NPHP4: variants seen among roughly 807,000 people sequenced by gnomAD.
NPHP4 encodes nephrocystin-4.
Under a neutral mutation model 155.8 loss-of-function variants are expected in NPHP4, and 151 were observed. The observed-to-expected ratio is 0.97, with a 90% CI of 0.85 to 1.11. The LOEUF (loss-of-function observed/expected upper bound fraction) is 1.11. Among genes scored for constraint, NPHP4 ranks in the 50% least tolerant of loss-of-function variants. NPHP4 has a pLI of 0.00. For missense variants in NPHP4, 1,956 were observed against 1,925.7 expected, an observed-to-expected ratio of 1.02 and a Z score of -0.29; for synonymous variants, 845 against 816.8, an observed-to-expected ratio of 1.03 and a Z score of -0.59.
intron 9 of NPHP4, among the ~76,000 whole-genome samples, chr1:5,936,323 C>A (rs1646535947): frequency 6.6e-6 from 1 of 152,234 alleles, no homozygotes; most frequent in South Asian, 2.1e-4. Context: ...CACTTGCTCA[C>A]TGCCAGCCCA....
At chr1:5,874,326 T>C (rs929036582) in intron 22 of NPHP4, 145 bp downstream of exon 22, 7 of 760,574 alleles carry the variant, frequency 9.2e-6, no homozygotes, top group Middle Eastern at 5.0e-4. Context: ...AGGGCTCTTG[T>C]TGAGCACCAA....
intron 6 of NPHP4, among the ~76,000 whole-genome samples, chr1:5,960,335 T>C (rs1650064542): frequency 1.3e-5 from 2 of 152,170 alleles, no homozygotes; most frequent in African/African-American, 4.8e-5. Context: ...AATGATGATG[T>C]CCACCATAGA....
Position 5,966,575 on chromosome 1 carries a change from G to A in NPHP4, c.517+724C>T, listed in dbSNP as rs986039155. Among the ~76,000 whole-genome samples, 6 of 152,146 alleles carry A rather than the reference G, an allele frequency of 3.9e-5. No individual in the cohort carries two copies. The South Asian group carries it at 1.2e-3, about 32-fold the overall frequency. Reference sequence around the variant, plus strand: ...TTTGACTTTTAACACAAGCCACGAGGCACACATGACATCCCCTTCGAGGAA... The same window carrying A: ...TTTGACTTTTAACACAAGCCACGAGACACACATGACATCCCCTTCGAGGAA... On this transcript the variant is annotated intron_variant, in intron 5 of 29. Coordinates refer to ENST00000378156, the MANE Select transcript of NPHP4 (RefSeq NM_015102.5).
intron 9 of NPHP4, among the ~76,000 whole-genome samples, chr1:5,942,295 G>C (rs1162456691): frequency 6.6e-6 from 1 of 152,114 alleles, no homozygotes; most frequent in African/African-American, 2.4e-5. Context: ...ACTTTGGAAG[G>C]CCAAGGCGGG....
chr1:5,879,153 C>T (rs944455949), intron 19 of NPHP4, among the ~76,000 whole-genome samples: 18 of 152,038 alleles, frequency 1.2e-4, no homozygotes, highest in African/African-American at 3.4e-4. Context: ...ACCCAACGGC[C>T]CCTCCCACCT....
At chr1:5,979,549 G>T (rs940762116) in intron 2 of NPHP4, among the ~76,000 whole-genome samples, 1 of 152,130 alleles carries the variant, frequency 6.6e-6, no homozygotes, top group African/African-American at 2.4e-5. Context: ...TTTTGTTTTT[G>T]TTTTTAAGAA....
chr1:5,986,118 G>C, intron 2 of NPHP4, 37 bp downstream of exon 2: 1 of 1,610,806 alleles, frequency 6.2e-7, no homozygotes, highest in Admixed American at 1.7e-5. Context: ...TCAGCTAAGA[G>C]CAATAACACG....
chr1:5,908,528 G>A (rs1415792439), intron 12 of NPHP4, among the ~76,000 whole-genome samples: 1 of 152,210 alleles, frequency 6.6e-6, no homozygotes, highest in Non-Finnish European at 1.5e-5. Flanking sequence ...GGAGCCACAG[G>A]TGAGCGCCAC....
At chr1:5,871,774 G>A (rs1404853271) in intron 23 of NPHP4, among the ~76,000 whole-genome samples, 1 of 152,198 alleles carries the variant, frequency 6.6e-6, no homozygotes, top group African/African-American at 2.4e-5. Flanking sequence ...AGGACAGCGG[G>A]TCCTGATCCA....
chr1:5,965,126 TCTCA>T (rs1310804558), intron 5 of NPHP4, among the ~76,000 whole-genome samples: 3 of 151,142 alleles, frequency 2.0e-5, no homozygotes, highest in South Asian at 2.1e-4. Context: ...AGAGATGGGG[TCTCA>T]CTATGTTGCC....
chr1:5,904,139 G>GCC (rs1362064919), intron 16 of NPHP4, among the ~76,000 whole-genome samples: 1 of 152,158 alleles, frequency 6.6e-6, no homozygotes, highest in Non-Finnish European at 1.5e-5. Context: ...AACAGAGACA[G>GCC]GTACGGTGGC....
At position 5,864,362 on chromosome 1, in the gene NPHP4, G is replaced by T; in HGVS notation, c.3972C>A (p.Cys1324Ter). The change falls in exon 28 of 30, where the codon TGC becomes TGA. Residue 1324 changes from cysteine to a stop codon, truncating the protein, a stop_gained. Transcript: ENST00000378156. LOFTEE classifies it high-confidence loss of function. ...CCTTGGAGATGAGCGGCTGGCGGCAGCAGAGGCACACGAGCCAGGAGGCCA... is the reference window on the plus strand; with the variant it reads ...CCTTGGAGATGAGCGGCTGGCGGCATCAGAGGCACACGAGCCAGGAGGCCA... ...QLVASWLVCL[C>*]CRQPLISKAF... The T allele has an allele frequency of 3.1e-6, 5 of 1,608,796 alleles. No homozygotes were observed. Among genetic ancestry groups the T allele is most frequent in the Non-Finnish European group, 4.2e-6 (5 of 1,177,612 alleles).
At chr1:5,952,570 C>T (rs1357766068) in intron 7 of NPHP4, 130 bp downstream of exon 7, 1 of 93,968 alleles carries the variant, frequency 1.1e-5, no homozygotes, top group East Asian at 2.3e-4. Flanking sequence ...CCCCACCCAC[C>T]CCTACCCTGC....
rs181682433 is a variant in NPHP4 at position 5,949,937 on chromosome 1, G to A, written c.811-1686C>T. Among the ~76,000 whole-genome samples, 648 of 152,234 alleles carry A rather than the reference G, an allele frequency of 4.3e-3. 6 individuals are homozygous for A. The highest frequency in any genetic ancestry group is 0.014 in the African/African-American group (602 of 41,544). On this transcript the variant is annotated intron_variant, in intron 7 of 29. Transcript: ENST00000378156. ...AACCACGTGCATCTTGGAGGACCAG[G>A]AGCCTAGGTGTCAGTCCAAGGGCAA...
chr1:5,874,872 A>G lies in NPHP4; in HGVS notation c.3044+2T>C. 6.2e-7 allele frequency: 1 copy of G among 1,612,914 alleles called. No individual in the cohort carries two copies. The highest frequency in any genetic ancestry group is 8.5e-7 in the Non-Finnish European group (1 of 1,179,112). On this transcript the variant is annotated splice_donor_variant, in intron 21 of 29. Transcript: ENST00000378156. LOFTEE classifies it high-confidence loss of function. ...GCAGGACGGGCACCACTGAGACCTC[A>G]CCTGAGCTCGGGGTTGTCGATCTCC...
At chr1:5,981,482 A>G (rs1384083235) in intron 2 of NPHP4, among the ~76,000 whole-genome samples, 2 of 152,232 alleles carry the variant, frequency 1.3e-5, no homozygotes, top group Admixed American at 1.3e-4. Flanking sequence ...ATTAAACAAA[A>G]AAAGTAAATG....
At chr1:5,863,806 ACTCG>A in intron 29 of NPHP4, 80 bp downstream of exon 29, 3 of 1,439,828 alleles carry the variant, frequency 2.1e-6, no homozygotes, top group Non-Finnish European at 2.9e-6. Context: ...GATTTGAGGA[ACTCG>A]CTCCTAAATG....
chr1:5,864,515 TGTCTTCAAGAGCGA>T lies in NPHP4; in HGVS notation c.3817-12_3818del. ...GCAGCACGAAGACACCTTTGGGGTCTGTCTTCAAGAGCGAGAGAGGCGGGTCAGAGCACAGCCTC... is the reference window on the plus strand; with the variant it reads ...GCAGCACGAAGACACCTTTGGGGTCTGAGAGGCGGGTCAGAGCACAGCCTC... On this transcript the variant is annotated splice_acceptor_variant and splice_polypyrimidine_tract_variant and coding_sequence_variant and intron_variant, in exon 28 of 30. Transcript: ENST00000378156. LOFTEE classifies it high-confidence loss of function. 1.3e-6 allele frequency: 2 copies of T among 1,560,108 alleles called. No homozygotes were observed. Among genetic ancestry groups the T allele is most frequent in the Non-Finnish European group, 1.7e-6 (2 of 1,148,592 alleles).
Position 5,927,846 on chromosome 1 carries a change from C to T in NPHP4, c.1303-59G>A, listed in dbSNP as rs549691083. On this transcript the variant is annotated intron_variant, in intron 10 of 29. Coordinates refer to ENST00000378156, the MANE Select transcript of NPHP4 (RefSeq NM_015102.5). ...CCCTTCATCAGCACGCCTATCAGAA[C>T]GATCCAACCAGGAACAGCAGGCTCT... The T allele has an allele frequency of 7.0e-5, 109 of 1,548,668 alleles. No homozygotes were observed. In the African/African-American group the frequency reaches 1.0e-3, roughly 14 times the overall value.
Sources: gnomAD v4.1 joint callset for allele counts (sites outside exome capture counted in the v4.1 genomes callset) on GRCh38, gnomAD v4.1.1 for gene constraint, MANE v1.5 for transcripts, NCBI Gene and HGNC (gene_info 2026-07-23, HGNC 2026-07-21) for gene names.